ALCAM: variants seen among roughly 807,000 people sequenced by gnomAD.
ALCAM encodes the protein activated leukocyte cell adhesion molecule.
A neutral mutation model predicts 70.9 loss-of-function variants in ALCAM; 30 were observed. That is an observed-to-expected ratio of 0.42 (90% CI 0.32 to 0.57). The LOEUF (loss-of-function observed/expected upper bound fraction) is 0.57, where lower values mean the gene tolerates loss of function less well. Ranked by LOEUF, ALCAM falls within the 20% of genes least tolerant of loss-of-function variation. The pLI is 0.11. For missense variants in ALCAM, 591 were observed against 695.1 expected (o/e 0.85, Z 1.68); for synonymous variants, 249 against 242.5 (o/e 1.03, Z -0.25).
intron 1 of ALCAM, among the ~76,000 whole-genome samples, chr3:105,413,260 G>A (rs184423963): frequency 6.6e-6 from 1 of 152,036 alleles, no homozygotes; most frequent in Non-Finnish European, 1.5e-5. Context: ...ATGTTTGATA[G>A]GTGTCAGTGG....
intron 3 of ALCAM, among the ~76,000 whole-genome samples, chr3:105,527,742 G>C (rs757528136): frequency 1.6e-4 from 24 of 152,180 alleles, no homozygotes; most frequent in Non-Finnish European, 3.2e-4. Context: ...ATATGGACCA[G>C]GTCTTATGAT....
chr3:105,371,149 C>T (rs925750615), intron 1 of ALCAM, among the ~76,000 whole-genome samples: 1 of 152,046 alleles, frequency 6.6e-6, no homozygotes, highest in African/African-American at 2.4e-5. Context: ...GATGAAAATG[C>T]ATGTCTACCA....
At chr3:105,395,849 A>G (rs1935938002) in intron 1 of ALCAM, among the ~76,000 whole-genome samples, 1 of 151,998 alleles carries the variant, frequency 6.6e-6, no homozygotes, top group South Asian at 2.1e-4. Context: ...CTTTCTGAAG[A>G]CTATCCCATT....
chr3:105,412,145 A>G (rs1005633124), intron 1 of ALCAM, among the ~76,000 whole-genome samples: 8 of 152,178 alleles, frequency 5.3e-5, no homozygotes, highest in African/African-American at 1.7e-4. Context: ...CTCTAGAGTC[A>G]TTTTCAGGTC....
rs114082975 is a variant in ALCAM, at chr3:105,487,212, C to T, written c.74-32855C>T. Among the ~76,000 whole-genome samples, 875 of 152,054 alleles carry T rather than the reference C, an allele frequency of 5.8e-3. 7 individuals are homozygous for T. The highest frequency in any genetic ancestry group is 0.02 in the African/African-American group (842 of 41,484). ...GTTGTCATTTTGGATAACAAGGATCCGTCCCATTCTATTCTCCCATCTACA... is the reference window on the plus strand; with the variant it reads ...GTTGTCATTTTGGATAACAAGGATCTGTCCCATTCTATTCTCCCATCTACA... On this transcript the variant is annotated intron_variant, in intron 1 of 15. Coordinates refer to ENST00000306107, the MANE Select transcript of ALCAM (RefSeq NM_001627.4).
chr3:105,560,625 G>C (rs1025044109), intron 14 of ALCAM, among the ~76,000 whole-genome samples: 2 of 152,002 alleles, frequency 1.3e-5, no homozygotes, highest in Non-Finnish European at 2.9e-5. Flanking sequence ...AAATGGCAAA[G>C]GTATTTTCCT....
At chr3:105,473,725 A>G (rs1361526039) in intron 1 of ALCAM, among the ~76,000 whole-genome samples, 1 of 151,552 alleles carries the variant, frequency 6.6e-6, no homozygotes, top group Non-Finnish European at 1.5e-5. Context: ...CATTATGACT[A>G]AGGAGTGTGT....
intron 1 of ALCAM, among the ~76,000 whole-genome samples, chr3:105,457,028 C>T (rs975338985): frequency 1.7e-5 from 2 of 119,348 alleles, no homozygotes; most frequent in Non-Finnish European, 3.4e-5. Flanking sequence ...CTGTCCTAGG[C>T]TCTTTTCAGG....
At chr3:105,551,788 A>G (rs1355499729) in intron 12 of ALCAM, among the ~76,000 whole-genome samples, 1 of 151,600 alleles carries the variant, frequency 6.6e-6, no homozygotes, top group Non-Finnish European at 1.5e-5. Context: ...GATAAACATC[A>G]CACTGTAGAC....
chr3:105,499,879 T>G (rs1938871093), intron 1 of ALCAM, among the ~76,000 whole-genome samples: 1 of 152,238 alleles, frequency 6.6e-6, no homozygotes, highest in Non-Finnish European at 1.5e-5. Context: ...CAATTAGCTG[T>G]AGGAATCCTC....
At chr3:105,415,661 T>C (rs966288914) in intron 1 of ALCAM, among the ~76,000 whole-genome samples, 8 of 152,124 alleles carry the variant, frequency 5.3e-5, no homozygotes, top group Admixed American at 1.3e-4. Context: ...TAAAGTGATA[T>C]ATTTTTCCTA....
intron 1 of ALCAM, among the ~76,000 whole-genome samples, chr3:105,476,037 G>A (rs538876906): frequency 2.2e-4 from 33 of 151,948 alleles, no homozygotes; most frequent in Non-Finnish European, 4.0e-4. Flanking sequence ...AGCCCTCCAC[G>A]AAAATGATTC....
chr3:105,408,338 G>A (rs576719109), intron 1 of ALCAM, among the ~76,000 whole-genome samples: 48 of 152,022 alleles, frequency 3.2e-4, no homozygotes, highest in Admixed American at 1.6e-3. Context: ...AGCATGATAC[G>A]GGTATAAAAA....
At chr3:105,452,579 G>A (rs1180066201) in intron 1 of ALCAM, among the ~76,000 whole-genome samples, 1 of 152,072 alleles carries the variant, frequency 6.6e-6, no homozygotes, top group Admixed American at 6.6e-5. Context: ...TATTCCTTTG[G>A]GTATATACCC....
Position 105,576,563 on chromosome 3 carries a change from C to T in ALCAM, c.*2112C>T, listed in dbSNP as rs1175309217. 3 of 152,318 alleles carry T rather than the reference C, an allele frequency of 2.0e-5. No homozygotes were observed. Among genetic ancestry groups the T allele is most frequent in the African/African-American group, 7.3e-5 (3 of 41,332 alleles). 9.4% of individuals were successfully genotyped at this position (152,318 alleles called of 1,614,324 possible). On this transcript the variant is annotated 3_prime_UTR_variant, in exon 16 of 16. Transcript: ENST00000306107. ...AGTCCAAAAACAGCTGTCAGAACCTCGAGAGCAGAACATGAGAAACTCAGA... is the reference window on the plus strand; with the variant it reads ...AGTCCAAAAACAGCTGTCAGAACCTTGAGAGCAGAACATGAGAAACTCAGA...
intron 1 of ALCAM, among the ~76,000 whole-genome samples, chr3:105,500,207 A>G (rs1461281985): frequency 2.0e-5 from 2 of 102,508 alleles, no homozygotes; most frequent in Non-Finnish European, 4.0e-5. Flanking sequence ...AAAAATTACC[A>G]TACTTTCTTC....
At chr3:105,377,026 T>A (rs1410421249) in intron 1 of ALCAM, among the ~76,000 whole-genome samples, 1 of 152,200 alleles carries the variant, frequency 6.6e-6, no homozygotes, top group Non-Finnish European at 1.5e-5. Flanking sequence ...ATTGAAATAT[T>A]CACATATTAG....
intron 1 of ALCAM, among the ~76,000 whole-genome samples, chr3:105,387,284 A>C (rs1372150943): frequency 6.6e-6 from 1 of 151,270 alleles, no homozygotes; most frequent in Non-Finnish European, 1.5e-5. Context: ...CCATCAAACA[A>C]AGCTCAGAAA....
At chr3:105,479,206 G>A (rs532643916) in intron 1 of ALCAM, among the ~76,000 whole-genome samples, 2 of 152,144 alleles carry the variant, frequency 1.3e-5, no homozygotes, top group South Asian at 2.1e-4. Context: ...AACATTTCTT[G>A]TAGTTTGTGT....
Sources: gnomAD v4.1 joint callset for allele counts (sites outside exome capture counted in the v4.1 genomes callset) on GRCh38, gnomAD v4.1.1 for gene constraint, MANE v1.5 for transcripts, NCBI Gene and HGNC (gene_info 2026-07-23, HGNC 2026-07-21) for gene names.